CNTN5: variants seen among roughly 807,000 people sequenced by gnomAD.
CNTN5 encodes contactin 5.
CNTN5 carries 77 observed loss-of-function variants against 129.1 expected under a neutral mutation model. The ratio of observed to expected loss-of-function variants is 0.60; its 90% confidence interval spans 0.50 to 0.72. The LOEUF is 0.72. CNTN5 is among the 30% of genes least tolerant of loss of function. The probability of loss-of-function intolerance (pLI) is 0.00; values close to 1 mark genes in which losing one functional copy is unlikely to be tolerated. For missense variants in CNTN5, 1,478 were observed against 1,328.8 expected (o/e 1.11, Z -1.75); for synonymous variants, 509 against 465.6 (o/e 1.09, Z -1.20).
At chr11:99,738,408 G>A (rs1943779307) in intron 3 of CNTN5, among the ~76,000 whole-genome samples, 2 of 152,108 alleles carry the variant, frequency 1.3e-5, no homozygotes, top group Non-Finnish European at 2.9e-5. Context: ...TATTGTTTAA[G>A]CCACCCAGTC....
At chr11:99,596,689 T>A (rs1370505043) in intron 3 of CNTN5, among the ~76,000 whole-genome samples, 1 of 152,160 alleles carries the variant, frequency 6.6e-6, no homozygotes, top group Admixed American at 6.5e-5. Context: ...CCGATTGAAT[T>A]ATTTGTGTTG....
chr11:99,525,293 A>AC (rs954547784), intron 2 of CNTN5, among the ~76,000 whole-genome samples: 4 of 152,196 alleles, frequency 2.6e-5, no homozygotes, highest in African/African-American at 9.7e-5. Flanking sequence ...AATTTAAAAA[A>AC]AATAAGGACA....
At chr11:99,757,004 A>AT (rs1944426363) in intron 3 of CNTN5, among the ~76,000 whole-genome samples, 1 of 151,700 alleles carries the variant, frequency 6.6e-6, no homozygotes, top group Non-Finnish European at 1.5e-5. Context: ...TACATGTGTC[A>AT]TATATATCAC....
intron 3 of CNTN5, among the ~76,000 whole-genome samples, chr11:99,785,232 C>T (rs773224380): frequency 1.2e-4 from 18 of 152,084 alleles, no homozygotes; most frequent in South Asian, 2.1e-4. Flanking sequence ...TTGTATCCTT[C>T]GCCCACATTT....
chr11:100,152,706 A>ACAGG, intron 13 of CNTN5, among the ~76,000 whole-genome samples: 1 of 152,244 alleles, frequency 6.6e-6, no homozygotes, highest in African/African-American at 2.4e-5. Flanking sequence ...TATAACCTGT[A>ACAGG]TTATTTTTCA....
At chr11:99,253,730 G>A (rs111512251) in intron 1 of CNTN5, among the ~76,000 whole-genome samples, 53 of 151,178 alleles carry the variant, frequency 3.5e-4, no homozygotes, top group African/African-American at 1.2e-3. Context: ...ACATATAATG[G>A]GTATTTTTAT....
intron 1 of CNTN5, among the ~76,000 whole-genome samples, chr11:99,042,558 G>A (rs1303201850): frequency 1.3e-5 from 2 of 151,680 alleles, no homozygotes; most frequent in African/African-American, 4.8e-5. Flanking sequence ...TGTATTTTCA[G>A]TAGAGACGGG....
At chr11:99,298,778 C>T (rs2097104) in intron 1 of CNTN5, among the ~76,000 whole-genome samples, 14,603 of 151,892 alleles carry the variant, frequency 0.096, 1,531 homozygotes, top group East Asian at 0.45. Context: ...TAATCATAAA[C>T]CTCAAAAGAC....
At chr11:99,160,464 G>A (rs1860554350) in intron 1 of CNTN5, among the ~76,000 whole-genome samples, 1 of 152,154 alleles carries the variant, frequency 6.6e-6, no homozygotes, top group African/African-American at 2.4e-5. Flanking sequence ...ACTTGGCCAT[G>A]TTTGCACTAG....
intron 8 of CNTN5, among the ~76,000 whole-genome samples, chr11:99,999,828 TA>T (rs1006806375): frequency 3.3e-5 from 5 of 151,976 alleles, no homozygotes; most frequent in Non-Finnish European, 7.4e-5. Context: ...TACGCAGCCA[TA>T]AAAAATGATG....
At chr11:99,978,684 T>C (rs1455306958) in intron 8 of CNTN5, among the ~76,000 whole-genome samples, 1 of 152,182 alleles carries the variant, frequency 6.6e-6, no homozygotes, top group African/African-American at 2.4e-5. Context: ...AGCTATATCA[T>C]CTAGGTTTTT....
chr11:100,091,775 G>T (rs1317641794), intron 13 of CNTN5, among the ~76,000 whole-genome samples: 1 of 151,952 alleles, frequency 6.6e-6, no homozygotes, highest in Non-Finnish European at 1.5e-5. Flanking sequence ...GAATCAGGGG[G>T]CTTGTTTGCT....
chr11:100,242,727 A>G (rs974358197), intron 16 of CNTN5, among the ~76,000 whole-genome samples: 4 of 152,200 alleles, frequency 2.6e-5, no homozygotes, highest in African/African-American at 7.2e-5. Flanking sequence ...TACGTCCAAC[A>G]ATAGGGATTA....
intron 3 of CNTN5, among the ~76,000 whole-genome samples, chr11:99,566,416 C>T (rs548344261): frequency 4.6e-5 from 7 of 152,292 alleles, no homozygotes; most frequent in South Asian, 2.1e-4. Flanking sequence ...TTTATAGACA[C>T]GTAAGAACGA....
At chr11:99,861,904 G>C (rs973477506) in intron 6 of CNTN5, among the ~76,000 whole-genome samples, 1 of 152,104 alleles carries the variant, frequency 6.6e-6, no homozygotes, top group African/African-American at 2.4e-5. Context: ...AAAATAAATT[G>C]AATACCTAGT....
chr11:100,200,410 A>C (rs1227705840), intron 15 of CNTN5, among the ~76,000 whole-genome samples: 3 of 151,856 alleles, frequency 2.0e-5, no homozygotes, highest in Non-Finnish European at 2.9e-5. Flanking sequence ...ACCAAAACAA[A>C]CTTCCTATAT....
intron 2 of CNTN5, among the ~76,000 whole-genome samples, chr11:99,476,067 C>G (rs571875211): frequency 2.6e-4 from 12 of 45,782 alleles, no homozygotes; most frequent in African/African-American, 7.7e-4. Context: ...TTCTCTTGCT[C>G]TCTTTCTCTT....
intron 2 of CNTN5, among the ~76,000 whole-genome samples, chr11:99,441,897 C>T (rs776698028): frequency 1.2e-4 from 18 of 152,006 alleles, no homozygotes; most frequent in Non-Finnish European, 2.4e-4. Flanking sequence ...AGTGTCCAGC[C>T]CATCTGGACT....
intron 2 of CNTN5, among the ~76,000 whole-genome samples, chr11:99,540,313 G>A (rs909682795): frequency 6.6e-6 from 1 of 152,106 alleles, no homozygotes; most frequent in African/African-American, 2.4e-5. Context: ...TTAGGATTTT[G>A]TTATTATTTT....
Sources: gnomAD v4.1 joint callset for allele counts (sites outside exome capture counted in the v4.1 genomes callset) on GRCh38, gnomAD v4.1.1 for gene constraint, MANE v1.5 for transcripts, NCBI Gene and HGNC (gene_info 2026-07-23, HGNC 2026-07-21) for gene names.